The following RFX3 variants were observed in gnomAD, a reference collection of about 807,000 sequenced individuals.
RFX3 encodes the protein transcription factor RFX3.
RFX3 carries 14 observed loss-of-function variants against 98.6 expected under a neutral mutation model. That is an observed-to-expected ratio of 0.14 (90% CI 0.09 to 0.22). The LOEUF (loss-of-function observed/expected upper bound fraction) is 0.22, where lower values mean the gene tolerates loss of function less well. RFX3 is among the 10% of genes least tolerant of loss of function. The probability of loss-of-function intolerance (pLI) is 1.00; values close to 1 mark genes in which losing one functional copy is unlikely to be tolerated. For missense variants in RFX3, 639 were observed against 926.9 expected, an observed-to-expected ratio of 0.69 and a Z score of 4.03; for synonymous variants, 383 against 328.4, an observed-to-expected ratio of 1.17 and a Z score of -1.80.
intron 1 of RFX3, among the ~76,000 whole-genome samples, chr9:3,460,083 C>G (rs948833706): frequency 3.9e-5 from 6 of 151,902 alleles, no homozygotes; most frequent in Admixed American, 3.3e-4. Context: ...TCAAAGGACC[C>G]CAGTCTGGTA....
chr9:3,347,770 G>A (rs960128139), intron 2 of RFX3, among the ~76,000 whole-genome samples: 3 of 152,066 alleles, frequency 2.0e-5, no homozygotes, highest in African/African-American at 7.2e-5. Context: ...AGGTTGCAGC[G>A]AGCCGAGACT....
intron 1 of RFX3, among the ~76,000 whole-genome samples, chr9:3,515,281 T>A (rs1047748393): frequency 6.6e-6 from 1 of 152,188 alleles, no homozygotes; most frequent in Non-Finnish European, 1.5e-5. Flanking sequence ...TTATTTTCCA[T>A]CTACTAATAT....
At chr9:3,296,903 A>G (rs1828065851) in intron 5 of RFX3, among the ~76,000 whole-genome samples, 1 of 152,112 alleles carries the variant, frequency 6.6e-6, no homozygotes. Context: ...AGACTTTGAG[A>G]TGTGGCTGGG....
At chr9:3,521,378 G>A (rs574516776) in intron 1 of RFX3, among the ~76,000 whole-genome samples, 1 of 152,078 alleles carries the variant, frequency 6.6e-6, no homozygotes. Context: ...AAGATAGTAT[G>A]TTAAACTCCA....
chr9:3,239,514 T>C (rs1328793915), intron 15 of RFX3, among the ~76,000 whole-genome samples: 1 of 152,238 alleles, frequency 6.6e-6, no homozygotes, highest in East Asian at 1.9e-4. Flanking sequence ...ATTCTAACTG[T>C]TCCGGCTTTT....
chr9:3,263,283 T>C (rs921216384), intron 12 of RFX3, among the ~76,000 whole-genome samples, 199 bp from the exon 13 acceptor site: 2 of 152,184 alleles, frequency 1.3e-5, no homozygotes, highest in South Asian at 2.1e-4. Context: ...TCTGAGTAGG[T>C]TGAGGTCAAG....
intron 1 of RFX3, among the ~76,000 whole-genome samples, chr9:3,416,996 T>C (rs1244845004): frequency 6.6e-6 from 1 of 151,958 alleles, no homozygotes; most frequent in Non-Finnish European, 1.5e-5. Flanking sequence ...GAAATGCACT[T>C]TAAATATGAC....
intron 2 of RFX3, among the ~76,000 whole-genome samples, chr9:3,363,939 G>A (rs1359742910): frequency 2.0e-5 from 3 of 152,224 alleles, no homozygotes; most frequent in Admixed American, 6.5e-5. Flanking sequence ...GTAGTGGCAC[G>A]ATCTCAGCTC....
chr9:3,245,299 C>G, intron 15 of RFX3, among the ~76,000 whole-genome samples: 1 of 152,048 alleles, frequency 6.6e-6, no homozygotes, highest in Non-Finnish European at 1.5e-5. Flanking sequence ...GTAGAAAGAA[C>G]CATTTATGCA....
At position 3,235,095 on chromosome 9, in the gene RFX3, C is replaced by T. The variant is rs566657900; in HGVS notation, c.1969-6206G>A. On this transcript the variant is annotated intron_variant, in intron 15 of 16. Transcript: ENST00000617270. ...ATTCGTGGATGAAGACGGAAGAAGT[C>T]GAGAATGACAGAAAAGATTTCATTA... is the stretch of plus-strand genomic sequence containing the variant. Among the ~76,000 whole-genome samples the T allele has an allele frequency of 2.0e-5, 3 of 152,194 alleles. No individual in the cohort carries two copies. The South Asian group carries it at 6.2e-4, about 32-fold the overall frequency.
intron 4 of RFX3, among the ~76,000 whole-genome samples, chr9:3,305,014 C>A (rs966173077): frequency 2.0e-5 from 3 of 151,926 alleles, no homozygotes; most frequent in Non-Finnish European, 4.4e-5. Context: ...ACAAAATTCA[C>A]ATTTATTTTC....
Position 3,288,274 on chromosome 9 carries a change from TA to T in RFX3, c.732-25del, listed in dbSNP as rs369819351. ...CTCTTCATTAATGAACAAGAAACAT[TA>T]GAAACAAAAGTCAGTCAAACTAATA... On this transcript the variant is annotated intron_variant, in intron 6 of 16. Coordinates refer to ENST00000617270, the MANE Select transcript of RFX3 (RefSeq NM_001282116.2). The T allele has an allele frequency of 3.1e-5, 50 of 1,608,718 alleles. No individual in the cohort carries two copies. The East Asian group carries it at 1.0e-3, about 33-fold the overall frequency.
chr9:3,489,821 A>T (rs117262258), intron 1 of RFX3, among the ~76,000 whole-genome samples: 4,002 of 152,182 alleles, frequency 0.026, 78 homozygotes, highest in Non-Finnish European at 0.038. Context: ...GTGCCTGAAA[A>T]TTTTACATTA....
chr9:3,352,107 G>C (rs944706016), intron 2 of RFX3, among the ~76,000 whole-genome samples: 2 of 152,012 alleles, frequency 1.3e-5, no homozygotes, highest in Middle Eastern at 3.5e-3. Context: ...AGATATATAT[G>C]TATTTTAGGC....
intron 2 of RFX3, among the ~76,000 whole-genome samples, chr9:3,349,207 G>T (rs1587235147): frequency 6.6e-6 from 1 of 151,782 alleles, no homozygotes; most frequent in Non-Finnish European, 1.5e-5. Flanking sequence ...GGTTACTGGA[G>T]ATTTTAACAT....
chr9:3,514,171 TCAGA>T (rs1327786549), intron 1 of RFX3, among the ~76,000 whole-genome samples: 7 of 152,184 alleles, frequency 4.6e-5, no homozygotes, highest in Admixed American at 4.6e-4. Context: ...AAGAACTTCA[TCAGA>T]CAGTTCCCCT....
At chr9:3,363,356 G>T (rs1807390574) in intron 2 of RFX3, among the ~76,000 whole-genome samples, 1 of 152,124 alleles carries the variant, frequency 6.6e-6, no homozygotes, top group Non-Finnish European at 1.5e-5. Flanking sequence ...GAGACCATAA[G>T]AATATGTACT....
At chr9:3,255,639 G>C (rs1822033086) in intron 14 of RFX3, among the ~76,000 whole-genome samples, 1 of 152,196 alleles carries the variant, frequency 6.6e-6, no homozygotes, top group Admixed American at 6.5e-5. Context: ...ACTTATGGAA[G>C]AATTCCCTCT....
At chr9:3,358,579 A>C (rs1457862947) in intron 2 of RFX3, among the ~76,000 whole-genome samples, 3 of 152,178 alleles carry the variant, frequency 2.0e-5, no homozygotes, top group Non-Finnish European at 4.4e-5. Flanking sequence ...TACCAAGTTA[A>C]CGAATTGACA....
Sources: gnomAD v4.1 joint callset for allele counts (sites outside exome capture counted in the v4.1 genomes callset) on GRCh38, gnomAD v4.1.1 for gene constraint, MANE v1.5 for transcripts, NCBI Gene and HGNC (gene_info 2026-07-23, HGNC 2026-07-21) for gene names.